RYR3: variants seen among roughly 807,000 people sequenced by gnomAD.
RYR3 encodes brain ryanodine receptor-calcium release channel.
Under a neutral mutation model 584.3 loss-of-function variants are expected in RYR3, and 207 were observed. That is an observed-to-expected ratio of 0.35 (90% CI 0.32 to 0.40). The LOEUF is 0.40. RYR3 is among the 10% of genes least tolerant of loss of function. The probability of loss-of-function intolerance (pLI) is 1.00; values close to 1 mark genes in which losing one functional copy is unlikely to be tolerated. For missense variants in RYR3, 5,616 were observed against 6,089.2 expected (o/e 0.92, Z 2.59); for synonymous variants, 2,416 against 2,248.5 (o/e 1.07, Z -2.11).
At chr15:33,854,693 T>C (rs2079462641) in intron 97 of RYR3, 73 bp from the exon 98 acceptor site, 2 of 1,528,764 alleles carry the variant, frequency 1.3e-6, no homozygotes, top group Admixed American at 2.1e-5. Context: ...TCTCCCAAAA[T>C]AAGAAAAAAT....
intron 57 of RYR3, among the ~76,000 whole-genome samples, chr15:33,754,455 C>T (rs2071615968): frequency 6.6e-6 from 1 of 152,218 alleles, no homozygotes; most frequent in Non-Finnish European, 1.5e-5. Flanking sequence ...GCCTCAGGAC[C>T]TTTGCACTGT....
chr15:33,715,420 A>G (rs2152799894), intron 43 of RYR3, among the ~76,000 whole-genome samples: 1 of 152,356 alleles, frequency 6.6e-6, no homozygotes, highest in African/African-American at 2.4e-5. Context: ...ACAAATAGGA[A>G]CAACATCGCA....
intron 1 of RYR3, among the ~76,000 whole-genome samples, chr15:33,446,170 C>G (rs2046639354): frequency 6.6e-6 from 1 of 152,162 alleles, no homozygotes; most frequent in Admixed American, 6.5e-5. Flanking sequence ...TACCACTGAC[C>G]TCACTAACTT....
chr15:33,647,485 T>C, intron 30 of RYR3, 25 bp downstream of exon 30: 3 of 1,541,012 alleles, frequency 1.9e-6, no homozygotes, highest in Non-Finnish European at 2.7e-6. Context: ...TCAATTATGG[T>C]TTTAATTATT....
intron 18 of RYR3, among the ~76,000 whole-genome samples, chr15:33,606,874 C>T (rs1430234869): frequency 6.6e-6 from 1 of 152,080 alleles, no homozygotes; most frequent in Non-Finnish European, 1.5e-5. Flanking sequence ...TTGACCATCC[C>T]AAGAGATGAG....
intron 16 of RYR3, among the ~76,000 whole-genome samples, chr15:33,595,045 T>A (rs548562082): frequency 1.3e-5 from 2 of 152,198 alleles, no homozygotes; most frequent in Non-Finnish European, 2.9e-5. Context: ...TTTTGGACTT[T>A]AGGGAACCTA....
intron 91 of RYR3, 84 bp downstream of exon 91, chr15:33,842,119 T>C: frequency 6.9e-7 from 1 of 1,445,334 alleles, no homozygotes; most frequent in Non-Finnish European, 9.4e-7. Context: ...TTTGTTTCAC[T>C]GTTTGGTCAG....
intron 6 of RYR3, among the ~76,000 whole-genome samples, chr15:33,539,671 A>G (rs2055646016): frequency 6.6e-6 from 1 of 152,168 alleles, no homozygotes; most frequent in African/African-American, 2.4e-5. Flanking sequence ...CTAAAAACTT[A>G]ACTTTTGATA....
chr15:33,825,577 C>G, intron 81 of RYR3, 26 bp from the exon 82 acceptor site: 1 of 1,544,698 alleles, frequency 6.5e-7, no homozygotes, highest in African/African-American at 1.4e-5. Context: ...TAGCCCTGAA[C>G]CTTGTTTCTT....
At chr15:33,635,846 C>T (rs1258063636) in intron 26 of RYR3, 27 bp downstream of exon 26, 1 of 1,573,474 alleles carries the variant, frequency 6.4e-7, no homozygotes, top group Non-Finnish European at 8.7e-7. Context: ...AGCAAACACC[C>T]ATCCTCAGAC....
intron 1 of RYR3, among the ~76,000 whole-genome samples, chr15:33,346,037 A>G (rs1299581352): frequency 6.6e-6 from 1 of 152,220 alleles, no homozygotes; most frequent in East Asian, 1.9e-4. Context: ...CTTATACAGC[A>G]TTTCATTGAA....
At chr15:33,527,547 G>A (rs914513622) in intron 3 of RYR3, among the ~76,000 whole-genome samples, 1 of 146,816 alleles carries the variant, frequency 6.8e-6, no homozygotes, top group Middle Eastern at 3.4e-3. Context: ...TTGCACCACT[G>A]CACACCAGCC....
intron 60 of RYR3, among the ~76,000 whole-genome samples, chr15:33,760,201 A>G (rs563930247): frequency 5.9e-5 from 9 of 152,140 alleles, no homozygotes; most frequent in East Asian, 1.9e-4. Context: ...TGTAAAGACA[A>G]TCGACACTAT....
At chr15:33,758,723 A>G (rs2072125039) in intron 60 of RYR3, among the ~76,000 whole-genome samples, 1 of 152,208 alleles carries the variant, frequency 6.6e-6, no homozygotes, top group African/African-American at 2.4e-5. Flanking sequence ...CAGCTTTAGC[A>G]GACTTAAAAG....
chr15:33,367,648 A>G (rs1975697038), intron 1 of RYR3, among the ~76,000 whole-genome samples: 1 of 152,224 alleles, frequency 6.6e-6, no homozygotes, highest in South Asian at 2.1e-4. Context: ...GTGCTGGTAA[A>G]GGAGTTCATT....
chr15:33,422,783 T>C (rs2044331369), intron 1 of RYR3, among the ~76,000 whole-genome samples: 1 of 152,146 alleles, frequency 6.6e-6, no homozygotes, highest in South Asian at 2.1e-4. Flanking sequence ...GCAGAGGCCT[T>C]GTATCCCCTG....
intron 2 of RYR3, among the ~76,000 whole-genome samples, chr15:33,474,489 C>T (rs1321039394): frequency 3.3e-5 from 5 of 152,178 alleles, no homozygotes; most frequent in Non-Finnish European, 7.3e-5. Flanking sequence ...TTCATCTGAT[C>T]GGATGAGGCA....
intron 2 of RYR3, 24 bp from the exon 3 acceptor site, chr15:33,503,607 C>T: frequency 7.1e-7 from 1 of 1,410,448 alleles, no homozygotes; most frequent in Non-Finnish European, 1.0e-6. Flanking sequence ...AGTAGGTATC[C>T]TCATTCTGAT....
At chr15:33,709,519 T>C (rs4779634) in intron 43 of RYR3, among the ~76,000 whole-genome samples, 12,253 of 152,240 alleles carry the variant, frequency 0.08, 1,062 homozygotes, top group African/African-American at 0.22. Context: ...AGATGGGGCC[T>C]AATTGGAGGT....
Sources: gnomAD v4.1 joint callset for allele counts (sites outside exome capture counted in the v4.1 genomes callset) on GRCh38, gnomAD v4.1.1 for gene constraint, MANE v1.5 for transcripts, NCBI Gene and HGNC (gene_info 2026-07-23, HGNC 2026-07-21) for gene names.